Variants in NGF observed in about 807,000 individuals in gnomAD.
NGF encodes beta-nerve growth factor.
In NGF, 4 loss-of-function variants were observed where a neutral mutation model predicts 12.8. The ratio of observed to expected loss-of-function variants is 0.31; its 90% CI spans 0.15 to 0.72. The LOEUF is 0.72. NGF is among the 30% of genes least tolerant of loss of function. The pLI is 0.69. For synonymous variants in NGF, 140 were observed against 130.0 expected (o/e 1.08, Z -0.52); for missense variants, 283 against 330.8 (o/e 0.86, Z 1.12).
At chr1:115,296,843 A>C (rs556450232) in intron 1 of NGF, among the ~76,000 whole-genome samples, 4 of 152,360 alleles carry the variant, frequency 2.6e-5, no homozygotes, top group African/African-American at 9.6e-5. Context: ...TCTAATGCAA[A>C]GGCATTGGGA....
At chr1:115,333,701 CTT>C (rs752113140) in intron 1 of NGF, among the ~76,000 whole-genome samples, 3 of 89,154 alleles carry the variant, frequency 3.4e-5, no homozygotes, top group Admixed American at 1.2e-4. Flanking sequence ...TTCTTTCTTT[CTT>C]TCTTTCTTTC....
chr1:115,292,246 CAG>C (rs1653725527), intron 2 of NGF, among the ~76,000 whole-genome samples: 1 of 152,222 alleles, frequency 6.6e-6, no homozygotes, highest in East Asian at 1.9e-4. Flanking sequence ...GAGGCATCGA[CAG>C]AGTAAAATCC....
rs1345212519 is a variant in NGF at position 115,286,573 on chromosome 1, T to C, written c.223A>G (p.Arg75Gly). 4 of 1,614,056 alleles carry C rather than the reference T, an allele frequency of 2.5e-6. No individual in the cohort carries two copies. The highest frequency in any genetic ancestry group is 3.4e-6 in the Non-Finnish European group (4 of 1,180,046). ...CGGAGTCGCCGCTTTTTAAACAGCC[T>C]GGGGTCCACAGTAATGTTGCGGGTC... is the stretch of plus-strand genomic sequence containing the variant. ...GQTRNITVDP[R>G]LFKKRRLRSP... Residue 75 changes from arginine (R) to glycine (G), a missense_variant, in exon 3 of 3, where the codon AGG becomes GGG. Transcript: ENST00000369512.
chr1:115,317,958 G>A (rs560583997), intron 1 of NGF, among the ~76,000 whole-genome samples: 33 of 152,048 alleles, frequency 2.2e-4, no homozygotes, highest in African/African-American at 7.2e-4. Flanking sequence ...TGATAGCCCC[G>A]GGCTAGCTCT....
intron 2 of NGF, 112 bp from the exon 3 acceptor site, chr1:115,286,919 T>C (rs1392584403): frequency 7.5e-7 from 1 of 1,333,078 alleles, no homozygotes; most frequent in Non-Finnish European, 1.1e-6. Flanking sequence ...GAGGTTTCAT[T>C]CAAACCGGGG....
At position 115,301,328 on chromosome 1, in the gene NGF, T is replaced by C. The variant is rs182280195; in HGVS notation, c.-136-7578A>G. ...AATCTTTAGCAAGAGACTTAACCTC[T>C]CTGCCCCTCAACATCTTCTTTCAAA... is the stretch of plus-strand genomic sequence containing the variant. On this transcript the variant is annotated intron_variant, in intron 1 of 2. Coordinates refer to ENST00000369512, the MANE Select transcript of NGF (RefSeq NM_002506.3). 2.5e-3 allele frequency among the ~76,000 whole-genome samples: 376 copies of C among 152,324 alleles called. 1 individual carries two copies. The highest frequency in any genetic ancestry group is 4.1e-3 in the Admixed American group (63 of 15,298).
chr1:115,303,796 T>C (rs144820567), intron 1 of NGF, among the ~76,000 whole-genome samples: 4 of 152,310 alleles, frequency 2.6e-5, no homozygotes, highest in Non-Finnish European at 4.4e-5. Flanking sequence ...GACCTCCTCA[T>C]AGGCCATCAG....
At chr1:115,308,559 A>G (rs1251931785) in intron 1 of NGF, among the ~76,000 whole-genome samples, 1 of 152,196 alleles carries the variant, frequency 6.6e-6, no homozygotes, top group African/African-American at 2.4e-5. Context: ...ATTCAACTAA[A>G]AAAAATGGGC....
intron 1 of NGF, among the ~76,000 whole-genome samples, chr1:115,313,532 T>G (rs1654391298): frequency 6.6e-6 from 1 of 152,208 alleles, no homozygotes. Flanking sequence ...ACTAAAAAGG[T>G]AAAAGCGAAA....
At chr1:115,317,052 G>A (rs557649593) in intron 1 of NGF, among the ~76,000 whole-genome samples, 6 of 151,898 alleles carry the variant, frequency 4.0e-5, no homozygotes, top group African/African-American at 9.7e-5. Context: ...TTTCACAAGC[G>A]CCTGGCCCCT....
intron 1 of NGF, among the ~76,000 whole-genome samples, chr1:115,308,330 C>A (rs750083572): frequency 3.9e-5 from 6 of 152,212 alleles, no homozygotes; most frequent in Non-Finnish European, 8.8e-5. Flanking sequence ...CACAGTCATT[C>A]TCTTCCCAGA....
intron 1 of NGF, among the ~76,000 whole-genome samples, chr1:115,323,810 G>T (rs1654694187): frequency 6.6e-6 from 1 of 152,178 alleles, no homozygotes; most frequent in East Asian, 1.9e-4. Context: ...GAAGGATCCA[G>T]GCAGCAAAAC....
At chr1:115,299,716 A>G (rs565120939) in intron 1 of NGF, among the ~76,000 whole-genome samples, 29 of 152,326 alleles carry the variant, frequency 1.9e-4, no homozygotes, top group African/African-American at 7.0e-4. Flanking sequence ...TTTGAGTGCC[A>G]AAAACAATCC....
At chr1:115,322,341 G>A (rs1186138914) in intron 1 of NGF, among the ~76,000 whole-genome samples, 2 of 152,086 alleles carry the variant, frequency 1.3e-5, no homozygotes, top group African/African-American at 4.8e-5. Context: ...CCAACTCCAG[G>A]CCCATGGTAA....
chr1:115,295,382 G>T (rs1653834447), intron 1 of NGF, among the ~76,000 whole-genome samples: 1 of 152,160 alleles, frequency 6.6e-6, no homozygotes, highest in Non-Finnish European at 1.5e-5. Context: ...TGATGAAAAT[G>T]CATACTCAGA....
intron 1 of NGF, among the ~76,000 whole-genome samples, chr1:115,324,764 C>T (rs898445909): frequency 6.6e-5 from 10 of 152,264 alleles, no homozygotes; most frequent in South Asian, 4.2e-4. Flanking sequence ...GGCTGGTCTA[C>T]GCCAGAAAGC....
At chr1:115,330,747 C>T (rs1254786387) in intron 1 of NGF, among the ~76,000 whole-genome samples, 1 of 152,126 alleles carries the variant, frequency 6.6e-6, no homozygotes, top group Non-Finnish European at 1.5e-5. Context: ...AAGCAATGTG[C>T]ACGCTAATTG....
intron 1 of NGF, among the ~76,000 whole-genome samples, chr1:115,331,102 C>T (rs1245512390): frequency 1.3e-5 from 2 of 150,642 alleles, no homozygotes; most frequent in Non-Finnish European, 2.9e-5. Context: ...AGGGGGTCCA[C>T]ATCGGGAAGG....
At chr1:115,337,192 A>G (rs917369426) in intron 1 of NGF, among the ~76,000 whole-genome samples, 31 of 150,802 alleles carry the variant, frequency 2.1e-4, no homozygotes, top group South Asian at 1.5e-3. Context: ...TAATCTCTCA[A>G]ATCACAAGAG....
Sources: allele counts gnomAD v4.1 joint callset (sites outside exome capture counted in the v4.1 genomes callset), GRCh38; gene constraint gnomAD v4.1.1; transcripts MANE v1.5; gene names NCBI Gene and HGNC (gene_info 2026-07-23, HGNC 2026-07-21).